TNN: variants seen among roughly 807,000 people sequenced by gnomAD.
The protein encoded by TNN is tenascin-N.
Under a neutral mutation model 134.4 loss-of-function variants are expected in TNN, and 122 were observed. The ratio of observed to expected loss-of-function variants is 0.91; its 90% CI spans 0.78 to 1.06. The LOEUF is 1.06. Ranked by LOEUF, TNN falls within the 50% of genes least tolerant of loss-of-function variation. The pLI is 0.00. For synonymous variants in TNN, 710 were observed against 670.3 expected (o/e 1.06, Z -0.91); for missense variants, 1,739 against 1,699.4 (o/e 1.02, Z -0.41).
At chr1:175,140,772 A>G (rs1441369414) in intron 17 of TNN, among the ~76,000 whole-genome samples, 1 of 152,200 alleles carries the variant, frequency 6.6e-6, no homozygotes, top group Non-Finnish European at 1.5e-5. Flanking sequence ...CATGTGTACT[A>G]TCATTCCCGC....
chr1:175,120,646 A>G (rs952759468), intron 11 of TNN, among the ~76,000 whole-genome samples: 3 of 152,242 alleles, frequency 2.0e-5, no homozygotes, highest in African/African-American at 4.8e-5. Flanking sequence ...AGCCCTTCTC[A>G]TGTTCCATTG....
chr1:175,110,934 G>A (rs1254220096), intron 9 of TNN, among the ~76,000 whole-genome samples: 1 of 152,138 alleles, frequency 6.6e-6, no homozygotes, highest in Admixed American at 6.5e-5. Flanking sequence ...CAGCACTTTG[G>A]GAGGTCAAGG....
At chr1:175,098,920 G>T (rs1674645697) in intron 9 of TNN, among the ~76,000 whole-genome samples, 1 of 152,158 alleles carries the variant, frequency 6.6e-6, no homozygotes, top group Non-Finnish European at 1.5e-5. Flanking sequence ...CATGCTGAGG[G>T]AGCCAGACTT....
intron 9 of TNN, among the ~76,000 whole-genome samples, chr1:175,114,795 T>A (rs1015253593): frequency 6.6e-6 from 1 of 152,144 alleles, no homozygotes; most frequent in Non-Finnish European, 1.5e-5. Context: ...GTAATTGCTG[T>A]AATTTGGAAA....
At chr1:175,135,654 T>C (rs4651323) in intron 15 of TNN, among the ~76,000 whole-genome samples, 191 bp from the exon 16 acceptor site, 32,522 of 152,230 alleles carry the variant, frequency 0.21, 4,014 homozygotes, top group East Asian at 0.43. Context: ...GTACCTGGCA[T>C]ACTACGGTAC....
At chr1:175,112,874 C>T (rs182649286) in intron 9 of TNN, among the ~76,000 whole-genome samples, 48 of 151,866 alleles carry the variant, frequency 3.2e-4, no homozygotes, top group Admixed American at 7.9e-4. Flanking sequence ...CTGCCTGCCT[C>T]GACCTCCCAA....
rs1164425495 is a variant in TNN at position 175,077,820 on chromosome 1, A to G, written c.402A>G (p.Gly134=). ...GTAGTGCCCAGCGCTGCTGCCAGGG[A>G]GTCACTGGTGAGCTCACCACCTGGT... is the stretch of plus-strand genomic sequence containing the variant. ...EQCSAQRCCQ[G]VTDLSRHCSG... is the part of the protein sequence containing the mutation. The change falls in exon 2 of 19, where the codon GGA becomes GGG. Residue 134 remains glycine, a synonymous_variant. Transcript: ENST00000239462. 1.9e-5 allele frequency: 30 copies of G among 1,609,656 alleles called. No individual in the cohort carries two copies. The highest frequency in any genetic ancestry group is 2.6e-5 in the Non-Finnish European group (30 of 1,176,412).
At chr1:175,099,117 T>A (rs1414938608) in intron 9 of TNN, among the ~76,000 whole-genome samples, 1 of 152,190 alleles carries the variant, frequency 6.6e-6, no homozygotes, top group Non-Finnish European at 1.5e-5. Flanking sequence ...TATTTTCATG[T>A]AATAGTCCCT....
chr1:175,135,190 C>A (rs1675767411), intron 15 of TNN, among the ~76,000 whole-genome samples: 1 of 152,114 alleles, frequency 6.6e-6, no homozygotes, highest in Admixed American at 6.6e-5. Flanking sequence ...TCCCTCATAG[C>A]CCTTATCACA....
intron 4 of TNN, 75 bp from the exon 5 acceptor site, chr1:175,083,675 A>T: frequency 7.0e-7 from 1 of 1,421,758 alleles, no homozygotes; most frequent in Non-Finnish European, 9.6e-7. Flanking sequence ...TGACCTGATA[A>T]CCAACAGCCT....
intron 1 of TNN, among the ~76,000 whole-genome samples, chr1:175,073,247 A>C (rs576886350): frequency 6.6e-6 from 1 of 152,318 alleles, no homozygotes; most frequent in African/African-American, 2.4e-5. Flanking sequence ...CATCAATTGC[A>C]TAATCAGTTG....
chr1:175,102,191 A>T (rs973060511), intron 9 of TNN, among the ~76,000 whole-genome samples: 6 of 145,922 alleles, frequency 4.1e-5, no homozygotes, highest in African/African-American at 1.5e-4. Context: ...AGCTAGATAT[A>T]AAGACTCTCC....
intron 9 of TNN, 34 bp from the exon 10 acceptor site, chr1:175,116,905 A>T: frequency 6.2e-7 from 1 of 1,614,190 alleles, no homozygotes; most frequent in Non-Finnish European, 8.5e-7. Context: ...GTACCAGTTC[A>T]TAGTGTTCAT....
chr1:175,116,002 G>A (rs1258516718), intron 9 of TNN, among the ~76,000 whole-genome samples: 1 of 152,124 alleles, frequency 6.6e-6, no homozygotes, highest in African/African-American at 2.4e-5. Flanking sequence ...GCTCACCAGA[G>A]TTTCTGTTTC....
At chr1:175,070,207 A>AT (rs1673884537) in intron 1 of TNN, among the ~76,000 whole-genome samples, 2 of 152,176 alleles carry the variant, frequency 1.3e-5, no homozygotes, top group East Asian at 3.9e-4. Context: ...CCAAGAGGAG[A>AT]TTTTAAAGTG....
At chr1:175,107,666 G>A (rs1261209308) in intron 9 of TNN, among the ~76,000 whole-genome samples, 7 of 137,414 alleles carry the variant, frequency 5.1e-5, no homozygotes, top group Non-Finnish European at 7.9e-5. Flanking sequence ...GCTGGCTCGG[G>A]CAGCCTGCTT....
chr1:175,119,630 T>TTTA (rs1258605088), intron 11 of TNN, among the ~76,000 whole-genome samples: 2 of 102,150 alleles, frequency 2.0e-5, no homozygotes, highest in East Asian at 6.6e-4. Context: ...CATGAATGCC[T>TTTA]TTTTTTTCTT....
At chr1:175,082,697 C>CT (rs1308388193) in intron 4 of TNN, among the ~76,000 whole-genome samples, 1 of 152,220 alleles carries the variant, frequency 6.6e-6, no homozygotes, top group African/African-American at 2.4e-5. Flanking sequence ...TGGCCTGACA[C>CT]TAATTCTCGA....
In TNN at chr1:175,081,502, T is replaced by C. The variant is rs150515966; in HGVS notation, c.1048+1076T>C. ...AGGAAGATACAGATGGATGGAACTT[T>C]GGCATGCAGTTGTCTTTGCAGAGAC... On this transcript the variant is annotated intron_variant, in intron 4 of 18. Coordinates refer to ENST00000239462, the MANE Select transcript of TNN (RefSeq NM_022093.2). Among the ~76,000 whole-genome samples the C allele has an allele frequency of 1.1e-3, 169 of 152,334 alleles. 1 individual carries two copies. Among genetic ancestry groups the C allele is most frequent in the African/African-American group, 3.9e-3 (164 of 41,580 alleles).
Sources: allele counts gnomAD v4.1 joint callset (sites outside exome capture counted in the v4.1 genomes callset), GRCh38; gene constraint gnomAD v4.1.1; transcripts MANE v1.5; gene names NCBI Gene and HGNC (gene_info 2026-07-23, HGNC 2026-07-21).